KIF1B: variants seen among roughly 807,000 people sequenced by gnomAD.
The protein encoded by KIF1B is kinesin family member 1B, also known as kinesin-like protein KIF1B.
Under a neutral mutation model 241.9 loss-of-function variants are expected in KIF1B, and 76 were observed. The observed-to-expected ratio is 0.31, with a 90% CI of 0.26 to 0.38. The LOEUF (loss-of-function observed/expected upper bound fraction) is 0.38, where lower values mean the gene tolerates loss of function less well. Among genes scored for constraint, KIF1B ranks in the 10% least tolerant of loss-of-function variants. The probability of loss-of-function intolerance (pLI) is 1.00; values close to 1 mark genes in which losing one functional copy is unlikely to be tolerated. For missense variants in KIF1B, 1,622 were observed against 2,271.4 expected, an observed-to-expected ratio of 0.71 and a Z score of 5.81; for synonymous variants, 750 against 796.7, an observed-to-expected ratio of 0.94 and a Z score of 0.99.
intron 1 of KIF1B, among the ~76,000 whole-genome samples, chr1:10,228,724 A>T (rs980130048): frequency 1.3e-5 from 2 of 152,242 alleles, no homozygotes; most frequent in African/African-American, 2.4e-5. Flanking sequence ...CCCAAAGAAC[A>T]GTCCAGCTAT....
In KIF1B at chr1:10,376,645, A is replaced by G. The variant is rs979700322; in HGVS notation, c.*58A>G. 4 of 1,509,240 alleles carry G rather than the reference A, an allele frequency of 2.7e-6. No homozygotes were observed. In the African/African-American group the frequency reaches 4.1e-5, roughly 16 times the overall value. The allele number at this position is 1,509,240 out of a possible 1,614,324, so 93.5% of individuals were successfully genotyped here. A position where few individuals can be genotyped will look rare whatever the true frequency, so the allele number is the denominator to read the frequency against. ...AGAGATAAAGAAAGCGTTACCTCTC[A>G]TTTCTCTTTGTGATTCTTGACGGTG... On this transcript the variant is annotated 3_prime_UTR_variant, in exon 49 of 49. Coordinates refer to ENST00000676179, the MANE Select transcript of KIF1B (RefSeq NM_001365951.3).
rs781201125 is a variant in KIF1B, at chr1:10,334,592, A to G, written c.2997A>G (p.Lys999=). ...ACAGGGTGGCCATCGTCAGTGAGAA[A>G]GGTGAAGTGCGGGGATTTCTGCGTG... is the stretch of plus-strand genomic sequence containing the variant. ...LIHRVAIVSE[K]GEVRGFLRVA... Residue 999 remains lysine, a synonymous_variant, in exon 28 of 49, where the codon AAA becomes AAG. Transcript: ENST00000676179. 15 of 1,613,944 alleles carry G rather than the reference A, an allele frequency of 9.3e-6. 1 individual carries two copies. In the South Asian group the frequency reaches 9.9e-5, roughly 11 times the overall value.
intron 32 of KIF1B, among the ~76,000 whole-genome samples, chr1:10,340,705 T>TG (rs1050211139): frequency 4.6e-5 from 7 of 151,926 alleles, no homozygotes; most frequent in Non-Finnish European, 8.8e-5. Context: ...GAACCCAGGA[T>TG]GGGGGGGTTG....
intron 15 of KIF1B, 37 bp downstream of exon 15, chr1:10,282,570 T>C (rs750320616): frequency 2.2e-4 from 337 of 1,547,014 alleles, no homozygotes; most frequent in Non-Finnish European, 2.9e-4. Context: ...AGGTATTCTA[T>C]GTAGCTCCAC....
At position 10,374,981 on chromosome 1, in the gene KIF1B, C is replaced by G. The variant is rs200161482; in HGVS notation, c.5224C>G (p.Arg1742Gly). The G allele has an allele frequency of 1.2e-6, 2 of 1,614,082 alleles. No individual in the cohort carries two copies. Among genetic ancestry groups the G allele is most frequent in the Admixed American group, 1.7e-5 (1 of 60,010 alleles). Reference protein sequence around the residue: ...IYNSDKDPVERGIINLSTAQV... With the variant: ...IYNSDKDPVEGGIINLSTAQV... ...TAACAGTGACAAAGACCCTGTGGAG[C>G]GTGGAATCATTAACCTGTCCACAGC... Residue 1742 changes from arginine (R) to glycine (G), a missense_variant, in exon 47 of 49, where the codon CGT (arginine) becomes GGT (glycine). Arg to Gly is a moderately radical substitution (Grantham distance 125). Coordinates refer to ENST00000676179, the MANE Select transcript of KIF1B (RefSeq NM_001365951.3). The surrounding 1 kb of genome is among the most constrained non-coding windows in gnomAD (Gnocchi z 4.3).
chr1:10,301,456 A>G (rs1328048141), intron 22 of KIF1B, among the ~76,000 whole-genome samples: 8 of 152,118 alleles, frequency 5.3e-5, no homozygotes. Flanking sequence ...ACCTGAAGTC[A>G]GGAGTTCAAG....
At chr1:10,359,773 C>T (rs1413132331) in intron 38 of KIF1B, among the ~76,000 whole-genome samples, 1 of 152,044 alleles carries the variant, frequency 6.6e-6, no homozygotes, top group Non-Finnish European at 1.5e-5. Context: ...GTGGCTCACA[C>T]CTATAATCCC....
In KIF1B at chr1:10,296,655, G is replaced by T; in HGVS notation, c.1851G>T (p.Gln617His). 6.2e-7 allele frequency: 1 copy of T among 1,613,844 alleles called. No homozygotes were observed. The highest frequency in any genetic ancestry group is 8.5e-7 in the Non-Finnish European group (1 of 1,179,798). The change falls in exon 20 of 49, where the codon CAG becomes CAT. Residue 617 changes from glutamine (Q) to histidine (H), a missense_variant. Gln to His is a conservative substitution (Grantham distance 24). Coordinates refer to ENST00000676179, the MANE Select transcript of KIF1B (RefSeq NM_001365951.3). ...GCAAGAGGGTGTCCCAGCCTGTTCAGCTGCGCTCAGGTGAGACTGGGAGAG... is the reference window on the plus strand; with the variant it reads ...GCAAGAGGGTGTCCCAGCCTGTTCATCTGCGCTCAGGTGAGACTGGGAGAG... ...VNGKRVSQPV[Q>H]LRSGNRIIMG...
At chr1:10,272,723 T>C (rs1241722864) in intron 9 of KIF1B, among the ~76,000 whole-genome samples, 2 of 152,012 alleles carry the variant, frequency 1.3e-5, no homozygotes, top group Non-Finnish European at 2.9e-5. Context: ...TAGTTTTTTT[T>C]TTTTTTTTCC....
intron 2 of KIF1B, among the ~76,000 whole-genome samples, chr1:10,252,408 T>C (rs1569575409): frequency 6.6e-6 from 1 of 151,806 alleles, no homozygotes; most frequent in Non-Finnish European, 1.5e-5. Flanking sequence ...GTTGTTGTTG[T>C]TGTTGTTGCT....
At chr1:10,215,237 C>T (rs1203526235) in intron 1 of KIF1B, among the ~76,000 whole-genome samples, 2 of 130,548 alleles carry the variant, frequency 1.5e-5, no homozygotes, top group East Asian at 2.3e-4. Flanking sequence ...AGTGCAACGG[C>T]GCGATCTCGG....
Position 10,326,394 on chromosome 1 carries a change from A to G in KIF1B, c.2924+35A>G. The G allele has an allele frequency of 6.2e-7, 1 of 1,613,580 alleles. No individual in the cohort carries two copies. Among genetic ancestry groups the G allele is most frequent in the Non-Finnish European group, 8.5e-7 (1 of 1,180,014 alleles). ...GTTATTGTGAGAAAGGCGAAAAGGG[A>G]CCAGCTCTTGCTCTGAAGGCCTCCC... On this transcript the variant is annotated intron_variant, in intron 27 of 48. Coordinates refer to ENST00000676179, the MANE Select transcript of KIF1B (RefSeq NM_001365951.3). The surrounding 1 kb of genome is among the most constrained non-coding windows in gnomAD (Gnocchi z 5.2).
chr1:10,304,445 T>C (rs373753927), intron 22 of KIF1B: 17 of 1,611,736 alleles, frequency 1.1e-5, no homozygotes, highest in African/African-American at 6.7e-5. Context: ...GTACAGACTT[T>C]CCAGGCAAAG....
intron 17 of KIF1B, among the ~76,000 whole-genome samples, chr1:10,293,714 T>C (rs1263032438): frequency 2.0e-5 from 3 of 152,082 alleles, no homozygotes; most frequent in Non-Finnish European, 2.9e-5. Context: ...TTATAACAAC[T>C]AGTGAAAATA....
At chr1:10,310,962 G>A (rs1243428105) in intron 22 of KIF1B, among the ~76,000 whole-genome samples, 1 of 151,566 alleles carries the variant, frequency 6.6e-6, no homozygotes, top group Non-Finnish European at 1.5e-5. Context: ...CCTTTGTCTA[G>A]TTTTGCCTGC....
chr1:10,356,606 A>G (rs1382752654), intron 38 of KIF1B, among the ~76,000 whole-genome samples: 1 of 151,710 alleles, frequency 6.6e-6, no homozygotes, highest in African/African-American at 2.4e-5. Context: ...CTTTAAAAAA[A>G]GAAAAAAAAA....
chr1:10,252,618 C>T (rs1025957991), intron 2 of KIF1B, among the ~76,000 whole-genome samples: 1 of 151,022 alleles, frequency 6.6e-6, no homozygotes, highest in South Asian at 2.1e-4. Flanking sequence ...CACCATGTTG[C>T]CCAGGCTGGT....
rs1451906514 is a variant in KIF1B at position 10,339,809 on chromosome 1, C to G, written c.3463C>G (p.Leu1155Val). Reference sequence around the variant, plus strand: ...TGATGAAGCATTCTCCACGGAGCCCCTCAAAAACAATGGCAGAGGAAGTCC... The same window carrying G: ...TGATGAAGCATTCTCCACGGAGCCCGTCAAAAACAATGGCAGAGGAAGTCC... ...RHDEAFSTEPLKNNGRGSPLA... is the reference protein window; with the variant it reads ...RHDEAFSTEPVKNNGRGSPLA... Residue 1155 changes from leucine (L) to valine (V), a missense_variant, in exon 32 of 49, where the codon CTC becomes GTC. This residue lies in a region of KIF1B where 803 missense variants were observed against 1,112.0 expected (regional missense o/e 0.72). Coordinates refer to ENST00000676179, the MANE Select transcript of KIF1B (RefSeq NM_001365951.3). The G allele has an allele frequency of 6.2e-7, 1 of 1,614,120 alleles. No individual in the cohort carries two copies. The highest frequency in any genetic ancestry group is 8.5e-7 in the Non-Finnish European group (1 of 1,180,010).
chr1:10,267,859 G>A (rs894127721), intron 6 of KIF1B, among the ~76,000 whole-genome samples: 3 of 152,106 alleles, frequency 2.0e-5, no homozygotes, highest in African/African-American at 7.2e-5. Context: ...ATTGATTCTG[G>A]AATAAATGAG....
Sources: gnomAD v4.1 joint callset for allele counts (sites outside exome capture counted in the v4.1 genomes callset) on GRCh38, gnomAD v4.1.1 for gene constraint, gnomAD v4.1.1 regional missense constraint, Gnocchi (gnomAD v3.1) non-coding constraint, MANE v1.5 for transcripts, NCBI Gene and HGNC (gene_info 2026-07-23, HGNC 2026-07-21) for gene names.